ANKRD44: variants seen among roughly 807,000 people sequenced by gnomAD.
The protein encoded by ANKRD44 is ankyrin repeat domain 44, also known as serine/threonine-protein phosphatase 6 regulatory ankyrin repeat subunit B.
In ANKRD44, 35 loss-of-function variants were observed where a neutral mutation model predicts 116.0. The observed-to-expected ratio is 0.30, with a 90% CI of 0.23 to 0.40. The LOEUF is 0.40. Among genes scored for constraint, ANKRD44 ranks in the 10% least tolerant of loss-of-function variants. The probability of loss-of-function intolerance (pLI) is 1.00; values close to 1 mark genes in which losing one functional copy is unlikely to be tolerated. For synonymous variants in ANKRD44, 435 were observed against 461.8 expected, an observed-to-expected ratio of 0.94 and a Z score of 0.74; for missense variants, 1,014 against 1,242.6, an observed-to-expected ratio of 0.82 and a Z score of 2.77.
At chr2:197,122,196 T>C (rs1211190024) in intron 7 of ANKRD44, among the ~76,000 whole-genome samples, 1 of 152,140 alleles carries the variant, frequency 6.6e-6, no homozygotes, top group Non-Finnish European at 1.5e-5. Context: ...GGGGACAGGA[T>C]GTTCCAGCCT....
rs193080510 is a variant in ANKRD44, at chr2:197,246,583, C to T, written c.28-59477G>A. Among the ~76,000 whole-genome samples the T allele has an allele frequency of 1.2e-3, 176 of 151,942 alleles. 2 individuals are homozygous for T. Among genetic ancestry groups the T allele is most frequent in the African/African-American group, 4.0e-3 (164 of 41,394 alleles). On this transcript the variant is annotated intron_variant, in intron 1 of 27. Coordinates refer to ENST00000282272, the MANE Select transcript of ANKRD44 (RefSeq NM_001195144.2). ...AGGTCCCTGATGCTGCCAACCATCT[C>T]GCTTACACTCAACAGTCTTCCCAAC... is the stretch of plus-strand genomic sequence containing the variant.
At chr2:197,057,773 G>A (rs2077231823) in intron 16 of ANKRD44, among the ~76,000 whole-genome samples, 3 of 152,168 alleles carry the variant, frequency 2.0e-5, no homozygotes, top group Admixed American at 1.3e-4. Flanking sequence ...TGGGAGGATC[G>A]CTTGAATCCA....
At chr2:197,039,400 T>C (rs2076865395) in intron 16 of ANKRD44, among the ~76,000 whole-genome samples, 1 of 152,132 alleles carries the variant, frequency 6.6e-6, no homozygotes, top group African/African-American at 2.4e-5. Flanking sequence ...TGATTATGAG[T>C]GCTGCAAGTT....
intron 4 of ANKRD44, among the ~76,000 whole-genome samples, chr2:197,132,891 G>A (rs2079125654): frequency 6.6e-6 from 1 of 152,158 alleles, no homozygotes; most frequent in Non-Finnish European, 1.5e-5. Context: ...TTACTGTCTA[G>A]AAGATCTTTT....
chr2:197,247,833 G>C (rs1174815005), intron 1 of ANKRD44, among the ~76,000 whole-genome samples: 1 of 152,166 alleles, frequency 6.6e-6, no homozygotes, highest in Non-Finnish European at 1.5e-5. Flanking sequence ...ATAGAGGAAA[G>C]TTCTGCTCAG....
intron 3 of ANKRD44, among the ~76,000 whole-genome samples, chr2:197,144,654 A>C (rs1379599768): frequency 6.6e-6 from 1 of 152,224 alleles, no homozygotes; most frequent in African/African-American, 2.4e-5. Context: ...AATTATGCTA[A>C]AGAGATTAAG....
At chr2:197,134,523 C>T (rs189263626) in intron 4 of ANKRD44, 88 of 152,284 alleles carry the variant, frequency 5.8e-4, no homozygotes, top group African/African-American at 1.9e-3. Flanking sequence ...AGAATGCAGA[C>T]TGGTTGTTGA....
intron 2 of ANKRD44, among the ~76,000 whole-genome samples, chr2:197,160,111 A>G (rs1321802872): frequency 4.6e-5 from 7 of 152,146 alleles, no homozygotes; most frequent in South Asian, 4.1e-4. Flanking sequence ...ATAAAAAAAC[A>G]AACTCTGGAG....
intron 1 of ANKRD44, among the ~76,000 whole-genome samples, chr2:197,267,260 T>G (rs562550711): frequency 6.6e-6 from 1 of 152,364 alleles, no homozygotes; most frequent in East Asian, 1.9e-4. Context: ...TCTCAGTGTC[T>G]TTTAAAATGC....
intron 1 of ANKRD44, among the ~76,000 whole-genome samples, chr2:197,236,991 A>G (rs2081992228): frequency 6.6e-6 from 1 of 152,216 alleles, no homozygotes; most frequent in Admixed American, 6.5e-5. Context: ...AAATAGGAGG[A>G]ACAAAGTGTT....
chr2:197,209,875 C>T (rs75014691), intron 1 of ANKRD44, among the ~76,000 whole-genome samples: 2,168 of 152,224 alleles, frequency 0.014, 30 homozygotes, highest in Middle Eastern at 0.034. Flanking sequence ...GAGGGTTTAG[C>T]CTAACAGGGA....
At chr2:197,117,471 C>T (rs1396797162) in intron 8 of ANKRD44, among the ~76,000 whole-genome samples, 2 of 152,202 alleles carry the variant, frequency 1.3e-5, no homozygotes, top group Non-Finnish European at 2.9e-5. Flanking sequence ...AATTCCTCAC[C>T]TCGTGATCTG....
intron 16 of ANKRD44, among the ~76,000 whole-genome samples, chr2:197,028,202 A>G (rs2076635101): frequency 6.6e-6 from 1 of 152,032 alleles, no homozygotes; most frequent in Non-Finnish European, 1.5e-5. Flanking sequence ...GTTCCCCTTT[A>G]TCTTACTTTG....
chr2:197,051,060 T>C (rs1234441752), intron 16 of ANKRD44, among the ~76,000 whole-genome samples: 1 of 150,952 alleles, frequency 6.6e-6, no homozygotes, highest in Admixed American at 6.6e-5. Flanking sequence ...CCTCCTGGGC[T>C]CAAGTGATCC....
chr2:197,286,369 CTTTTT>C (rs763446070), intron 1 of ANKRD44, among the ~76,000 whole-genome samples: 1 of 123,610 alleles, frequency 8.1e-6, no homozygotes, highest in Non-Finnish European at 1.7e-5. Flanking sequence ...ACTTCTTCTA[CTTTTT>C]TTTTTCTTTT....
At position 197,266,084 on chromosome 2, in the gene ANKRD44, G is replaced by A. The variant is rs148991430; in HGVS notation, c.27+44494C>T. ...TAAAAGGAAAGCTGTACATGAAGGC[G>A]TTGTGCTTTCGTGGGAAAATGATTG... On this transcript the variant is annotated intron_variant, in intron 1 of 27. Coordinates refer to ENST00000282272, the MANE Select transcript of ANKRD44 (RefSeq NM_001195144.2). Among the ~76,000 whole-genome samples, 701 of 152,198 alleles carry A rather than the reference G, an allele frequency of 4.6e-3. 6 individuals carry two copies. The highest frequency in any genetic ancestry group is 0.016 in the African/African-American group (674 of 41,534).
rs796359395 is a variant in ANKRD44 at position 197,212,910 on chromosome 2, A to G, written c.28-25804T>C. Among the ~76,000 whole-genome samples, 4 of 152,216 alleles carry G rather than the reference A, an allele frequency of 2.6e-5. No individual in the cohort carries two copies. The highest frequency in any genetic ancestry group is 9.6e-5 in the African/African-American group (4 of 41,458). On this transcript the variant is annotated intron_variant, in intron 1 of 27. Coordinates refer to ENST00000282272, the MANE Select transcript of ANKRD44 (RefSeq NM_001195144.2). This position sits in a 1 kb window ranked among gnomAD's most constrained non-coding sequence, Gnocchi z 4.8. Reference sequence around the variant, plus strand: ...ATTCCAGAAAGCTTTTCACAGTGTGAACATCTCACAGAGCTGACTGGGATT... The same window carrying G: ...ATTCCAGAAAGCTTTTCACAGTGTGGACATCTCACAGAGCTGACTGGGATT...
At chr2:197,252,460 G>A (rs529143705) in intron 1 of ANKRD44, among the ~76,000 whole-genome samples, 4 of 151,848 alleles carry the variant, frequency 2.6e-5, no homozygotes, top group East Asian at 1.9e-4. Context: ...AGGCTGGAGC[G>A]CAGTAGCGCG....
intron 16 of ANKRD44, among the ~76,000 whole-genome samples, chr2:197,042,436 T>A (rs1471006125): frequency 6.6e-6 from 1 of 150,586 alleles, no homozygotes; most frequent in Non-Finnish European, 1.5e-5. Flanking sequence ...ATACTGTCCA[T>A]AAGACTCAAT....
Sources: allele counts gnomAD v4.1 joint callset (sites outside exome capture counted in the v4.1 genomes callset), GRCh38; gene constraint gnomAD v4.1.1; non-coding constraint Gnocchi (gnomAD v3.1); transcripts MANE v1.5; gene names NCBI Gene and HGNC (gene_info 2026-07-23, HGNC 2026-07-21).